Variants in XKR4 observed in about 807,000 individuals in gnomAD.
XKR4 encodes XK related 4.
In XKR4, 12 loss-of-function variants were observed where a neutral mutation model predicts 53.9. The ratio of observed to expected loss-of-function variants is 0.22; its 90% CI spans 0.14 to 0.36. The LOEUF is 0.36. Ranked by LOEUF, XKR4 falls within the 10% of genes least tolerant of loss-of-function variation. The probability of loss-of-function intolerance (pLI) is 1.00; values close to 1 mark genes in which losing one functional copy is unlikely to be tolerated. For missense variants in XKR4, 799 were observed against 859.5 expected, an observed-to-expected ratio of 0.93 and a Z score of 0.88; for synonymous variants, 354 against 362.4, an observed-to-expected ratio of 0.98 and a Z score of 0.26.
chr8:55,123,323 C>A (rs1452113036), intron 1 of XKR4, among the ~76,000 whole-genome samples: 8 of 152,182 alleles, frequency 5.3e-5, no homozygotes, highest in Non-Finnish European at 1.0e-4. Context: ...TTTCTAGATA[C>A]TCTGTTTTAC....
Position 55,177,535 on chromosome 8 carries a change from C to G in XKR4, c.806+74241C>G, listed in dbSNP as rs547773657. 3.3e-4 allele frequency among the ~76,000 whole-genome samples: 51 copies of G among 152,288 alleles called. 1 individual carries two copies. In the South Asian group the frequency reaches 9.9e-3, roughly 30 times the overall value. ...TAGGGCTGACCCATGCACAGTTCTC[C>G]TGTGGGCTTTGAAAGTTTGTTCCCC... On this transcript the variant is annotated intron_variant, in intron 1 of 2. Coordinates refer to ENST00000327381, the MANE Select transcript of XKR4 (RefSeq NM_052898.2).
chr8:55,425,195 C>A (rs1305625734), intron 2 of XKR4, among the ~76,000 whole-genome samples: 2 of 152,104 alleles, frequency 1.3e-5, no homozygotes, highest in African/African-American at 4.8e-5. Context: ...TTTTCTGATC[C>A]CTGGAGGCAC....
Position 55,537,187 on chromosome 8 carries a change from G to C in XKR4, c.*12960G>C, listed in dbSNP as rs563913543. On this transcript the variant is annotated 3_prime_UTR_variant, in exon 3 of 3. Transcript: ENST00000327381. ...AGCACCAACTGGTTACCACAAACAT[G>C]GGAATATTTAGTGATATCTTTGTAG... 8 of 152,124 alleles carry C rather than the reference G, an allele frequency of 5.3e-5. No homozygotes were observed. The highest frequency in any genetic ancestry group is 1.2e-4 in the Non-Finnish European group (8 of 68,032). 9.4% of individuals were successfully genotyped at this position (152,124 alleles called of 1,614,324 possible).
At chr8:55,147,132 A>C (rs1413057925) in intron 1 of XKR4, among the ~76,000 whole-genome samples, 1 of 152,226 alleles carries the variant, frequency 6.6e-6, no homozygotes, top group Non-Finnish European at 1.5e-5. Context: ...AAAGTCAAGC[A>C]TTTGTTTTTC....
At chr8:55,390,539 C>T (rs1046061633) in intron 2 of XKR4, among the ~76,000 whole-genome samples, 3 of 152,208 alleles carry the variant, frequency 2.0e-5, no homozygotes, top group African/African-American at 7.2e-5. Context: ...CTCTTAGTAA[C>T]TTTCTCCCTC....
At chr8:55,418,035 A>G (rs1804874327) in intron 2 of XKR4, among the ~76,000 whole-genome samples, 1 of 152,218 alleles carries the variant, frequency 6.6e-6, no homozygotes, top group Non-Finnish European at 1.5e-5. Flanking sequence ...GAAACAACAC[A>G]GTGAGGGTGG....
At chr8:55,300,887 G>C (rs1009094759) in intron 1 of XKR4, among the ~76,000 whole-genome samples, 5 of 152,076 alleles carry the variant, frequency 3.3e-5, no homozygotes, top group Admixed American at 2.6e-4. Flanking sequence ...TACACTATAA[G>C]GCTAAGAGTA....
intron 1 of XKR4, among the ~76,000 whole-genome samples, chr8:55,215,215 G>T (rs966011570): frequency 6.6e-6 from 1 of 152,198 alleles, no homozygotes; most frequent in Non-Finnish European, 1.5e-5. Flanking sequence ...ACCCTGTAGG[G>T]CTTACTACTG....
intron 2 of XKR4, among the ~76,000 whole-genome samples, chr8:55,439,104 G>C (rs1805228193): frequency 6.6e-6 from 1 of 152,174 alleles, no homozygotes; most frequent in Admixed American, 6.5e-5. Context: ...TCTTTTGTGA[G>C]AATTTCCAAC....
chr8:55,259,313 G>T (rs1050613950), intron 1 of XKR4, among the ~76,000 whole-genome samples: 3 of 152,242 alleles, frequency 2.0e-5, no homozygotes, highest in African/African-American at 7.2e-5. Flanking sequence ...GTTTGATCAT[G>T]AAGATTAAAT....
intron 2 of XKR4, among the ~76,000 whole-genome samples, chr8:55,369,119 TG>T (rs1372917525): frequency 6.6e-6 from 1 of 152,014 alleles, no homozygotes; most frequent in Non-Finnish European, 1.5e-5. Flanking sequence ...CCTAGCACTT[TG>T]GGAGTCCAAG....
intron 1 of XKR4, among the ~76,000 whole-genome samples, chr8:55,250,570 C>T (rs187580338): frequency 3.2e-4 from 48 of 152,292 alleles, no homozygotes; most frequent in Non-Finnish European, 5.7e-4. Flanking sequence ...ACCCATGCTT[C>T]TCATTTCAGC....
At chr8:55,143,972 A>G (rs1816738860) in intron 1 of XKR4, among the ~76,000 whole-genome samples, 1 of 152,218 alleles carries the variant, frequency 6.6e-6, no homozygotes, top group Non-Finnish European at 1.5e-5. Flanking sequence ...ATCATTTACA[A>G]CAACTTGGCC....
At chr8:55,232,026 T>G (rs1818049105) in intron 1 of XKR4, among the ~76,000 whole-genome samples, 1 of 152,216 alleles carries the variant, frequency 6.6e-6, no homozygotes, top group Admixed American at 6.5e-5. Context: ...CATATGAAAC[T>G]GATAGATGGG....
At chr8:55,105,738 T>C (rs1816135571) in intron 1 of XKR4, among the ~76,000 whole-genome samples, 1 of 152,198 alleles carries the variant, frequency 6.6e-6, no homozygotes, top group Admixed American at 6.5e-5. Context: ...CTAATCAGCA[T>C]CATTTTCTGT....
intron 2 of XKR4, among the ~76,000 whole-genome samples, chr8:55,374,688 C>T (rs760388191): frequency 3.3e-5 from 5 of 152,100 alleles, no homozygotes; most frequent in Non-Finnish European, 7.4e-5. Flanking sequence ...CTTGAGGGAC[C>T]TGTGGAGATG....
intron 2 of XKR4, chr8:55,453,222 A>C: frequency 2.0e-6 from 1 of 491,950 alleles, no homozygotes; most frequent in South Asian, 1.5e-5. Flanking sequence ...GCTTCCAGGA[A>C]GGCTGTGACC....
chr8:55,452,083 C>T (rs928661265), intron 2 of XKR4: 3 of 703,020 alleles, frequency 4.3e-6, no homozygotes, highest in Admixed American at 2.0e-5. Flanking sequence ...GGTGGCTGGC[C>T]GGGTGTGTAG....
intron 1 of XKR4, among the ~76,000 whole-genome samples, chr8:55,177,977 C>T: frequency 6.6e-6 from 1 of 152,166 alleles, no homozygotes; most frequent in East Asian, 1.9e-4. Flanking sequence ...CCTCAGTGCC[C>T]TGTGGAGGTG....
Sources: allele counts gnomAD v4.1 joint callset (sites outside exome capture counted in the v4.1 genomes callset), GRCh38; gene constraint gnomAD v4.1.1; transcripts MANE v1.5; gene names NCBI Gene and HGNC (gene_info 2026-07-23, HGNC 2026-07-21).